WDR37: variants seen among roughly 807,000 people sequenced by gnomAD.
WDR37 encodes WD repeat domain 37, also known as WD repeat-containing protein 37.
A neutral mutation model predicts 62.9 loss-of-function variants in WDR37; 19 were observed. The observed-to-expected ratio is 0.30, with a 90% confidence interval of 0.21 to 0.44. WDR37 has a LOEUF of 0.44. Ranked by LOEUF, WDR37 falls within the 20% of genes least tolerant of loss-of-function variation. WDR37 has a pLI of 1.00. For synonymous variants in WDR37, 250 were observed against 260.9 expected (o/e 0.96, Z 0.40); for missense variants, 474 against 657.6 (o/e 0.72, Z 3.05).
intron 9 of WDR37, among the ~76,000 whole-genome samples, chr10:1,099,791 C>T (rs1258106663): frequency 6.8e-6 from 1 of 146,902 alleles, no homozygotes; most frequent in African/African-American, 2.6e-5. Context: ...AGCATTGATG[C>T]TTAGGAAATT....
chr10:1,093,077 G>A lies in WDR37; in HGVS notation c.605-375G>A, dbSNP rs953931753. On this transcript the variant is annotated intron_variant, in intron 7 of 13. Coordinates refer to ENST00000263150, the MANE Select transcript of WDR37 (RefSeq NM_014023.4). The stretch of plus-strand genomic sequence containing the variant: ...GGCTGGGAAGGAAGGCGGATGGGGC[G>A]GGGCTTATGGTAATAAATTGTGTCT... Among the ~76,000 whole-genome samples, 9 of 151,858 alleles carry A rather than the reference G, an allele frequency of 5.9e-5. 1 individual carries two copies. Among genetic ancestry groups the A allele is most frequent in the South Asian group, 2.1e-4 (1 of 4,792 alleles).
chr10:1,094,327 G>A (rs1039098631), intron 8 of WDR37, among the ~76,000 whole-genome samples: 10 of 152,346 alleles, frequency 6.6e-5, no homozygotes, highest in African/African-American at 2.4e-4. Context: ...GGGCCAAATT[G>A]TGCTGACGCA....
chr10:1,090,148 T>A (rs932435353), intron 7 of WDR37, among the ~76,000 whole-genome samples: 2 of 151,882 alleles, frequency 1.3e-5, no homozygotes, highest in African/African-American at 4.8e-5. Flanking sequence ...TGTATTTTTT[T>A]AAAATTTATT....
chr10:1,109,779 A>G (rs930166714), intron 11 of WDR37, among the ~76,000 whole-genome samples: 1 of 152,224 alleles, frequency 6.6e-6, no homozygotes, highest in Non-Finnish European at 1.5e-5. Context: ...ACATGAAACA[A>G]TGGTAGTTTT....
At chr10:1,069,469 A>G (rs1263399137) in intron 1 of WDR37, among the ~76,000 whole-genome samples, 1 of 149,550 alleles carries the variant, frequency 6.7e-6, no homozygotes, top group Non-Finnish European at 1.5e-5. Context: ...AGCTAGTAAT[A>G]AAAAGGAAAA....
At chr10:1,118,673 G>A (rs1401964314) in intron 11 of WDR37, among the ~76,000 whole-genome samples, 1 of 152,162 alleles carries the variant, frequency 6.6e-6, no homozygotes, top group Non-Finnish European at 1.5e-5. Context: ...TGGAGAGCAC[G>A]ATGTTCCACA....
At chr10:1,115,896 G>C (rs1195653501) in intron 11 of WDR37, among the ~76,000 whole-genome samples, 2 of 152,168 alleles carry the variant, frequency 1.3e-5, no homozygotes, top group Non-Finnish European at 2.9e-5. Context: ...CCTGCAGGCT[G>C]TGGGGCCTTG....
chr10:1,087,815 T>C (rs755524258), intron 7 of WDR37, among the ~76,000 whole-genome samples: 3 of 152,356 alleles, frequency 2.0e-5, no homozygotes, highest in Non-Finnish European at 4.4e-5. Flanking sequence ...AGAGTCAGCC[T>C]GTCCCTTGAA....
intron 1 of WDR37, among the ~76,000 whole-genome samples, chr10:1,068,442 G>A (rs756753226): frequency 1.3e-5 from 2 of 151,786 alleles, no homozygotes; most frequent in Non-Finnish European, 2.9e-5. Flanking sequence ...GGGCGACAGC[G>A]AGACTCTGTC....
chr10:1,086,236 C>T, intron 6 of WDR37, 50 bp from the exon 7 acceptor site: 5 of 1,502,120 alleles, frequency 3.3e-6, no homozygotes, highest in Non-Finnish European at 4.6e-6. Flanking sequence ...ATTTGAAAAA[C>T]TATAAACTGA....
At chr10:1,096,023 G>C in intron 8 of WDR37, 147 bp from the exon 9 acceptor site, 1 of 658,558 alleles carries the variant, frequency 1.5e-6, no homozygotes, top group East Asian at 2.7e-5. Context: ...TCAGAAAAGA[G>C]TTATTTAAGT....
Position 1,105,702 on chromosome 10 carries a change from A to G in WDR37, c.1103+435A>G, listed in dbSNP as rs190275637. 1.3e-5 allele frequency among the ~76,000 whole-genome samples: 2 copies of G among 152,250 alleles called. No individual in the cohort carries two copies. The highest frequency in any genetic ancestry group is 2.4e-5 in the African/African-American group (1 of 41,556). On this transcript the variant is annotated intron_variant, in intron 11 of 13. Coordinates refer to ENST00000263150, the MANE Select transcript of WDR37 (RefSeq NM_014023.4). This position sits in a 1 kb window ranked among gnomAD's most constrained non-coding sequence, Gnocchi z 5.3. ...TGCGTGGTATATTCTGGGAGAAGGT[A>G]TACACATAGACGCGCAAACACAGAC...
At chr10:1,079,700 A>T (rs1183526537) in intron 3 of WDR37, among the ~76,000 whole-genome samples, 2 of 151,710 alleles carry the variant, frequency 1.3e-5, no homozygotes, top group East Asian at 3.9e-4. Context: ...ACGCCCGGCT[A>T]TTTTTTGTAT....
rs559674994 is a variant in WDR37 at position 1,094,712 on chromosome 10, A to G, written c.649+1216A>G. On this transcript the variant is annotated intron_variant, in intron 8 of 13. Transcript: ENST00000263150. ...TGGAACCAGACACATCCAGGAACTG[A>G]TGAAGACTTGGAAACATGAGGTAAT... Among the ~76,000 whole-genome samples the G allele has an allele frequency of 9.7e-4, 148 of 152,356 alleles. 1 individual carries two copies. Among genetic ancestry groups the G allele is most frequent in the Non-Finnish European group, 2.0e-3 (136 of 68,040 alleles).
intron 5 of WDR37, among the ~76,000 whole-genome samples, chr10:1,083,580 T>C (rs1834097260): frequency 1.3e-5 from 2 of 152,258 alleles, no homozygotes; most frequent in African/African-American, 4.8e-5. Flanking sequence ...GCTGTTTTCT[T>C]ACCAAAGAAA....
chr10:1,131,695 T>TGG lies in WDR37; in HGVS notation c.*2352_*2353insGG, dbSNP rs1564199527. ...CAAGATCGGGGATGGTGTGTGTGTGTGTGTGTGTGTGTGTGTGCACGTGTG... is the reference window on the plus strand; with the variant it reads ...CAAGATCGGGGATGGTGTGTGTGTGTGGGTGTGTGTGTGTGTGTGCACGTGTG... On this transcript the variant is annotated 3_prime_UTR_variant, in exon 14 of 14. Transcript: ENST00000263150. 8.9e-6 allele frequency: 1 copy of TGG among 112,620 alleles called. No individual in the cohort carries two copies. Among genetic ancestry groups the TGG allele is most frequent in the Non-Finnish European group, 2.2e-5 (1 of 46,110 alleles). 7.0% of individuals were successfully genotyped at this position (112,620 alleles called of 1,614,324 possible). A position where few individuals can be genotyped will look rare whatever the true frequency, so the allele number is the denominator to read the frequency against.
chr10:1,097,313 C>T (rs922714754), intron 9 of WDR37, among the ~76,000 whole-genome samples: 9 of 152,136 alleles, frequency 5.9e-5, no homozygotes, highest in African/African-American at 9.7e-5. Flanking sequence ...AAGCACCCAC[C>T]GCAGCAGGAT....
rs113594338 is a variant in WDR37, at chr10:1,131,683, G to GGGGT, written c.*2340_*2341insGGTG. The GGGGT allele has an allele frequency of 7.5e-6, 1 of 133,748 alleles. No individual in the cohort carries two copies. Among genetic ancestry groups the GGGGT allele is most frequent in the Non-Finnish European group, 1.7e-5 (1 of 58,008 alleles). 8.3% of individuals were successfully genotyped at this position (133,748 alleles called of 1,614,324 possible). On this transcript the variant is annotated 3_prime_UTR_variant, in exon 14 of 14. Transcript: ENST00000263150. ...AGGAGTCACAGACAAGATCGGGGAT[G>GGGGT]GTGTGTGTGTGTGTGTGTGTGTGTG...
intron 11 of WDR37, among the ~76,000 whole-genome samples, chr10:1,107,809 G>C (rs2387296): frequency 9.3e-5 from 14 of 150,098 alleles, no homozygotes; most frequent in Non-Finnish European, 1.8e-4. Context: ...CAGCACTGCT[G>C]TCTCTCTTTA....
Sources: allele counts gnomAD v4.1 joint callset (sites outside exome capture counted in the v4.1 genomes callset), GRCh38; gene constraint gnomAD v4.1.1; non-coding constraint Gnocchi (gnomAD v3.1); transcripts MANE v1.5; gene names NCBI Gene and HGNC (gene_info 2026-07-23, HGNC 2026-07-21).